The following TAF1 variants were observed in gnomAD, a reference collection of about 807,000 sequenced individuals.
TAF1 encodes the protein TATA-box binding protein associated factor 1, also known as transcription initiation factor TFIID subunit 1.
In TAF1, 2 loss-of-function variants were observed where a neutral mutation model predicts 138.5. The observed-to-expected ratio is 0.01, with a 90% CI of 0.01 to 0.05. The LOEUF (loss-of-function observed/expected upper bound fraction) is 0.05, where lower values mean the gene tolerates loss of function less well. Ranked by LOEUF, TAF1 falls within the 10% of genes least tolerant of loss-of-function variation. The pLI, the probability that TAF1 is intolerant of heterozygous loss-of-function variation, is 1.00. For synonymous variants in TAF1, 437 were observed against 503.2 expected, an observed-to-expected ratio of 0.87 and a Z score of 1.76; for missense variants, 709 against 1,478.0, an observed-to-expected ratio of 0.48 and a Z score of 8.53.
intron 13 of TAF1, chrX:71,491,015 T>A (rs1250994894): frequency 9.6e-6 from 1 of 104,675 alleles, no homozygotes; most frequent in Admixed American, 1.0e-4. Flanking sequence ...CCAAGCTGGG[T>A]TTTTTTGTTG....
chrX:71,433,570 G>C lies in TAF1; in HGVS notation c.4753+9332G>C, dbSNP rs28382198. Among the ~76,000 whole-genome samples the C allele has an allele frequency of 7.2e-5, 8 of 111,130 alleles. No individual in the cohort carries two copies. The East Asian group carries it at 1.7e-3, about 23-fold the overall frequency. The stretch of plus-strand genomic sequence containing the variant: ...AGGAAATGAGTATCCAGTGTTGCTA[G>C]ATAACTGAATTTTTCAAGAGAAGCT... On this transcript the variant is annotated intron_variant, in intron 32 of 37. Coordinates refer to ENST00000423759, the MANE Select transcript of TAF1 (RefSeq NM_004606.5).
At chrX:71,467,741 C>A (rs2038795112), downstream of TAF1, among the ~76,000 whole-genome samples, 1 of 111,572 alleles carries the variant, frequency 9.0e-6, no homozygotes, top group Non-Finnish European at 1.9e-5. Context: ...ATGACAAAAT[C>A]TGAAGATTAG....
At chrX:71,467,884 C>T (rs190726105), downstream of TAF1, among the ~76,000 whole-genome samples, 14 of 111,959 alleles carry the variant, frequency 1.3e-4, no homozygotes, top group African/African-American at 4.2e-4. Flanking sequence ...ATGTGGTAAA[C>T]CAGGCCCTGA....
intron 13 of TAF1, among the ~76,000 whole-genome samples, chrX:71,503,421 T>C (rs947780450): frequency 1.9e-5 from 2 of 104,575 alleles, no homozygotes; most frequent in African/African-American, 7.0e-5. Flanking sequence ...GTAGAATGAA[T>C]AAATATAGAA....
At chrX:71,375,726 G>A (rs1223059990) in intron 4 of TAF1, among the ~76,000 whole-genome samples, 6 of 111,916 alleles carry the variant, frequency 5.4e-5, no homozygotes, top group Admixed American at 1.9e-4. Flanking sequence ...TCCGCCTCCC[G>A]GGTTCAAGTG....
At chrX:71,469,805 G>A (rs1164911804), downstream of TAF1, among the ~76,000 whole-genome samples, 7 of 109,630 alleles carry the variant, frequency 6.4e-5, no homozygotes, top group Admixed American at 9.8e-5. Flanking sequence ...CAGTTCAAGC[G>A]ATTCTCCTGC....
intron 3 of TAF1, among the ~76,000 whole-genome samples, chrX:71,371,248 G>C (rs760790401): frequency 3.6e-5 from 4 of 111,557 alleles, no homozygotes; most frequent in Non-Finnish European, 7.5e-5. Flanking sequence ...TGTCCTCTAG[G>C]GGTGCCTTCA....
At chrX:71,431,003 ATTTTTTTTTT>A (rs41481947) in intron 32 of TAF1, among the ~76,000 whole-genome samples, 16 of 68,594 alleles carry the variant, frequency 2.3e-4, no homozygotes, top group South Asian at 6.5e-4. Flanking sequence ...GCTCAGAAGA[ATTTTTTTTTT>A]TTTTTTTTTT....
intron 28 of TAF1, among the ~76,000 whole-genome samples, chrX:71,410,562 A>T (rs1344721767): frequency 4.1e-5 from 4 of 97,914 alleles, no homozygotes; most frequent in African/African-American, 1.6e-4. Flanking sequence ...GGTTCATGCT[A>T]TTCTGCTGCT....
At chrX:71,455,034 T>C (rs1383062473) in intron 34 of TAF1, 177 bp downstream of exon 34, 2 of 1,158,089 alleles carry the variant, frequency 1.7e-6, no homozygotes, top group Non-Finnish European at 2.3e-6. Context: ...CCATGGGTCT[T>C]GGTGGCCTTG....
intron 13 of TAF1, among the ~76,000 whole-genome samples, chrX:71,478,576 A>G (rs899057658): frequency 9.0e-6 from 1 of 111,271 alleles, no homozygotes; most frequent in African/African-American, 3.3e-5. Flanking sequence ...GCCAAGTGCG[A>G]TGGCTCACAC....
intron 13 of TAF1, among the ~76,000 whole-genome samples, chrX:71,515,443 T>C (rs2039807854): frequency 8.9e-6 from 1 of 111,814 alleles, no homozygotes; most frequent in Non-Finnish European, 1.9e-5. Context: ...CAAAGCTTTT[T>C]GGTCTCAGCT....
Position 71,503,707 on chromosome X carries a change from A to G in TAF1, c.1367-24835A>G, listed in dbSNP as rs774649978. ...TATGTGGTGTAATGTGGCTGGTTCA[A>G]CTTTTTTTTTTCACAATCTTTTACT... On this transcript the variant is annotated intron_variant and NMD_transcript_variant, in intron 13 of 14. Transcript: ENST00000373775. Among the ~76,000 whole-genome samples the G allele has an allele frequency of 6.4e-5, 7 of 109,311 alleles. No individual in the cohort carries two copies. In the South Asian group the frequency reaches 2.7e-3, roughly 43 times the overall value. The allele number at this position is 109,311 out of a possible 115,157, so 94.9% of individuals were successfully genotyped here.
intron 27 of TAF1, 47 bp from the exon 28 acceptor site, chrX:71,407,927 C>T (rs1456682978): frequency 8.5e-7 from 1 of 1,177,767 alleles, no homozygotes; most frequent in Non-Finnish European, 1.1e-6. Context: ...GGAATTGGCT[C>T]TGGCAACTGT....
At chrX:71,510,288 GC>G (rs1419534218) in intron 13 of TAF1, among the ~76,000 whole-genome samples, 2 of 109,938 alleles carry the variant, frequency 1.8e-5, no homozygotes, top group Non-Finnish European at 3.8e-5. Flanking sequence ...TGATATAGAT[GC>G]CCCCACTGCT....
At chrX:71,468,362 C>T (rs1303904146), downstream of TAF1, among the ~76,000 whole-genome samples, 5 of 110,752 alleles carry the variant, frequency 4.5e-5, no homozygotes, top group African/African-American at 1.6e-4. Flanking sequence ...GTAAAATATG[C>T]CCATCAAAGC....
At position 71,465,882 on chromosome X, in the gene TAF1, G is replaced by A; in HGVS notation, c.*1836G>A. The stretch of plus-strand genomic sequence containing the variant: ...ATGATAACCCCCCAGGAATGGGATT[G>A]GAGGGGAGGGGGCTTCTGTGTTTGT... On this transcript the variant is annotated 3_prime_UTR_variant, in exon 38 of 38. Coordinates refer to ENST00000423759, the MANE Select transcript of TAF1 (RefSeq NM_004606.5). 8.9e-6 allele frequency: 1 copy of A among 112,556 alleles called. No individual in the cohort carries two copies. The highest frequency in any genetic ancestry group is 1.9e-5 in the Non-Finnish European group (1 of 53,326). The allele number at this position is 112,556 out of a possible 1,213,427, so 9.3% of individuals were successfully genotyped here. A position where few individuals can be genotyped will look rare whatever the true frequency, so the allele number is the denominator to read the frequency against.
At chrX:71,486,129 G>A (rs1255123883) in intron 13 of TAF1, among the ~76,000 whole-genome samples, 1 of 109,329 alleles carries the variant, frequency 9.1e-6, no homozygotes, top group African/African-American at 3.3e-5. Flanking sequence ...ATCATGGCTC[G>A]CTGCAGCTTT....
At chrX:71,500,294 G>A (rs2039474518) in intron 13 of TAF1, among the ~76,000 whole-genome samples, 1 of 111,431 alleles carries the variant, frequency 9.0e-6, no homozygotes, top group Non-Finnish European at 1.9e-5. Context: ...AGGTCAAGCT[G>A]CAGGATAGTA....
Sources: gnomAD v4.1 joint callset for allele counts (sites outside exome capture counted in the v4.1 genomes callset) on GRCh38, gnomAD v4.1.1 for gene constraint, MANE v1.5 for transcripts, NCBI Gene and HGNC (gene_info 2026-07-23, HGNC 2026-07-21) for gene names.